EPHA6: variants seen among roughly 807,000 people sequenced by gnomAD.
The protein encoded by EPHA6 is EPH receptor A6.
In EPHA6, 50 loss-of-function variants were observed where a neutral mutation model predicts 112.0. That is an observed-to-expected ratio of 0.45 (90% confidence interval 0.36 to 0.56). The LOEUF is 0.56. Ranked by LOEUF, EPHA6 falls within the 20% of genes least tolerant of loss-of-function variation. EPHA6 has a pLI of 0.00. For synonymous variants in EPHA6, 529 were observed against 490.7 expected (o/e 1.08, Z -1.03); for missense variants, 1,280 against 1,417.4 (o/e 0.90, Z 1.56).
chr3:96,956,638 G>A (rs1482086709), intron 2 of EPHA6, among the ~76,000 whole-genome samples: 2 of 152,054 alleles, frequency 1.3e-5, no homozygotes, highest in African/African-American at 2.4e-5. Flanking sequence ...GCGTTTATTT[G>A]GCAAGAGAAG....
In EPHA6 at chr3:96,958,156, G is replaced by A. The variant is rs192604072; in HGVS notation, c.451-29174G>A. On this transcript the variant is annotated intron_variant, in intron 2 of 17. Coordinates refer to ENST00000389672, the MANE Select transcript of EPHA6 (RefSeq NM_001080448.3). Reference sequence around the variant, plus strand: ...AAATACAAAATTAGCCAGGCGTGGCGGGGCATGCCTGTATTCCCAGCTACT... The same window carrying A: ...AAATACAAAATTAGCCAGGCGTGGCAGGGCATGCCTGTATTCCCAGCTACT... Among the ~76,000 whole-genome samples, 1,124 of 152,162 alleles carry A rather than the reference G, an allele frequency of 7.4e-3. 12 individuals carry two copies. The highest frequency in any genetic ancestry group is 0.012 in the Non-Finnish European group (828 of 67,994).
intron 13 of EPHA6, among the ~76,000 whole-genome samples, chr3:97,621,913 T>C (rs903189054): frequency 1.8e-4 from 28 of 151,796 alleles, no homozygotes; most frequent in African/African-American, 6.0e-4. Flanking sequence ...AATGAACAAC[T>C]AACAGGAATT....
intron 5 of EPHA6, among the ~76,000 whole-genome samples, chr3:97,322,883 A>T (rs1284695674): frequency 6.6e-6 from 1 of 152,016 alleles, no homozygotes; most frequent in African/African-American, 2.4e-5. Context: ...ATATAGTGAC[A>T]TTGCCTAGTA....
chr3:97,730,018 G>T lies in EPHA6; in HGVS notation c.2935-5907G>T, dbSNP rs573281613. Reference sequence around the variant, plus strand: ...TGAGACAGTTTCTTTTTAAAAGACTGTATAAATAACTAAATTCAACGTGCC... The same window carrying T: ...TGAGACAGTTTCTTTTTAAAAGACTTTATAAATAACTAAATTCAACGTGCC... On this transcript the variant is annotated intron_variant, in intron 15 of 17. Coordinates refer to ENST00000389672, the MANE Select transcript of EPHA6 (RefSeq NM_001080448.3). Among the ~76,000 whole-genome samples the T allele has an allele frequency of 2.1e-4, 32 of 152,178 alleles. No individual in the cohort carries two copies. In the South Asian group the frequency reaches 6.6e-3, roughly 32 times the overall value.
intron 3 of EPHA6, among the ~76,000 whole-genome samples, chr3:97,058,885 A>G (rs2045933789): frequency 6.6e-6 from 1 of 152,204 alleles, no homozygotes; most frequent in Admixed American, 6.5e-5. Flanking sequence ...TTTATCAAAA[A>G]CACAAAAGAC....
chr3:97,274,185 C>T, intron 5 of EPHA6, among the ~76,000 whole-genome samples: 1 of 152,106 alleles, frequency 6.6e-6, no homozygotes, highest in East Asian at 1.9e-4. Flanking sequence ...AGATATTTTC[C>T]CTGGTCTAAG....
At chr3:97,074,583 ACTC>A (rs1576438923) in intron 3 of EPHA6, among the ~76,000 whole-genome samples, 1 of 151,756 alleles carries the variant, frequency 6.6e-6, no homozygotes, top group East Asian at 1.9e-4. Flanking sequence ...AGATTCTCAA[ACTC>A]CTCATTTGAA....
At chr3:97,209,941 G>A (rs1365609610) in intron 3 of EPHA6, among the ~76,000 whole-genome samples, 1 of 152,064 alleles carries the variant, frequency 6.6e-6, no homozygotes, top group African/African-American at 2.4e-5. Flanking sequence ...AGAAAATGAG[G>A]TGACCACATA....
intron 6 of EPHA6, among the ~76,000 whole-genome samples, chr3:97,431,573 A>G (rs546139000): frequency 6.6e-6 from 1 of 152,260 alleles, no homozygotes; most frequent in Non-Finnish European, 1.5e-5. Flanking sequence ...TTTTATGGAT[A>G]AACCACAGCA....
chr3:96,942,935 C>A (rs949143098), intron 2 of EPHA6, among the ~76,000 whole-genome samples: 1 of 151,954 alleles, frequency 6.6e-6, no homozygotes, highest in Non-Finnish European at 1.5e-5. Context: ...ACTTACTGTG[C>A]AATTGCACAC....
At chr3:97,224,221 T>TTAAATAAATG (rs1326807973) in intron 3 of EPHA6, among the ~76,000 whole-genome samples, 6 of 152,198 alleles carry the variant, frequency 3.9e-5, no homozygotes. Flanking sequence ...TCACTTTATA[T>TTAAATAAATG]TGCTGTTAGA....
At chr3:97,275,279 C>T (rs192131218) in intron 5 of EPHA6, among the ~76,000 whole-genome samples, 8 of 152,118 alleles carry the variant, frequency 5.3e-5, no homozygotes, top group African/African-American at 7.2e-5. Context: ...AGAATTATGC[C>T]GAGATAGGTA....
intron 2 of EPHA6, among the ~76,000 whole-genome samples, chr3:96,897,988 C>G (rs984732683): frequency 6.6e-6 from 1 of 151,674 alleles, no homozygotes; most frequent in African/African-American, 2.4e-5. Context: ...TCCCTCATTG[C>G]GTAATTTTAA....
At chr3:97,299,196 T>A in intron 5 of EPHA6, among the ~76,000 whole-genome samples, 1 of 150,810 alleles carries the variant, frequency 6.6e-6, no homozygotes, top group South Asian at 2.1e-4. Flanking sequence ...TGTGTGTGTG[T>A]GTGTGTGTGT....
chr3:97,420,456 A>G (rs1577331146), intron 6 of EPHA6, among the ~76,000 whole-genome samples: 1 of 152,120 alleles, frequency 6.6e-6, no homozygotes, highest in East Asian at 1.9e-4. Context: ...CACAAACTAG[A>G]AAAAACTTCA....
At chr3:97,062,811 C>A (rs1473580955) in intron 3 of EPHA6, among the ~76,000 whole-genome samples, 1 of 152,104 alleles carries the variant, frequency 6.6e-6, no homozygotes, top group Non-Finnish European at 1.5e-5. Flanking sequence ...ACTGTGAGTC[C>A]ATTAAACCTC....
At chr3:97,046,699 A>T (rs2045519308) in intron 3 of EPHA6, among the ~76,000 whole-genome samples, 1 of 152,188 alleles carries the variant, frequency 6.6e-6, no homozygotes, top group Admixed American at 6.5e-5. Context: ...AGCCAGTAGT[A>T]ATTCTATCTC....
chr3:97,245,987 C>A (rs1698044314), intron 5 of EPHA6, among the ~76,000 whole-genome samples: 1 of 152,030 alleles, frequency 6.6e-6, no homozygotes, highest in African/African-American at 2.4e-5. Context: ...ATATTGTACA[C>A]TCATAGTCTT....
At chr3:97,532,964 G>A (rs991697743) in intron 11 of EPHA6, among the ~76,000 whole-genome samples, 7 of 151,636 alleles carry the variant, frequency 4.6e-5, no homozygotes, top group Non-Finnish European at 7.4e-5. Flanking sequence ...ACAAAAATTC[G>A]GCATGGAACC....
Sources: gnomAD v4.1 joint callset for allele counts (sites outside exome capture counted in the v4.1 genomes callset) on GRCh38, gnomAD v4.1.1 for gene constraint, MANE v1.5 for transcripts, NCBI Gene and HGNC (gene_info 2026-07-23, HGNC 2026-07-21) for gene names.